RUBCN: variants seen among roughly 807,000 people sequenced by gnomAD.
RUBCN encodes the protein run domain Beclin-1-interacting and cysteine-rich domain-containing protein.
Under a neutral mutation model 113.2 loss-of-function variants are expected in RUBCN, and 74 were observed. The ratio of observed to expected loss-of-function variants is 0.65; its 90% CI spans 0.54 to 0.79. The LOEUF (loss-of-function observed/expected upper bound fraction) is 0.79, where lower values mean the gene tolerates loss of function less well. Ranked by LOEUF, RUBCN falls within the 30% of genes least tolerant of loss-of-function variation. The pLI, the probability that RUBCN is intolerant of heterozygous loss-of-function variation, is 0.00. For synonymous variants in RUBCN, 480 were observed against 490.0 expected, an observed-to-expected ratio of 0.98 and a Z score of 0.27; for missense variants, 1,109 against 1,251.7, an observed-to-expected ratio of 0.89 and a Z score of 1.72.
chr3:197,696,935 TG>T lies in RUBCN; in HGVS notation c.1357+18del. On this transcript the variant is annotated intron_variant, in intron 8 of 19. Coordinates refer to ENST00000296343, the MANE Select transcript of RUBCN (RefSeq NM_014687.4). ...CAGAGAAAATATACAATTTTAGCCCTGGCCTTCCTAGTACTCACCATATTCC... is the reference window on the plus strand; with the variant it reads ...CAGAGAAAATATACAATTTTAGCCCTGCCTTCCTAGTACTCACCATATTCC... 1 of 1,371,866 alleles carries T rather than the reference TG, an allele frequency of 7.3e-7. No individual in the cohort carries two copies. The allele number at this position is 1,371,866 out of a possible 1,614,324, so 85.0% of individuals were successfully genotyped here. A position where few individuals can be genotyped will look rare whatever the true frequency, so the allele number is the denominator to read the frequency against.
At chr3:197,690,654 A>G (rs973942049) in intron 11 of RUBCN, among the ~76,000 whole-genome samples, 4 of 152,232 alleles carry the variant, frequency 2.6e-5, no homozygotes, top group Admixed American at 2.0e-4. Context: ...GCAAATTCAA[A>G]GTTCTAAAGA....
upstream of RUBCN, among the ~76,000 whole-genome samples, chr3:197,740,229 CCTT>C (rs1453827951): frequency 3.9e-5 from 4 of 101,696 alleles, no homozygotes; most frequent in African/African-American, 1.1e-4. Flanking sequence ...ATCCTGAACC[CCTT>C]CTTTTGTTTT....
At chr3:197,732,262 T>A (rs185567410) in intron 1 of RUBCN, among the ~76,000 whole-genome samples, 71 of 152,340 alleles carry the variant, frequency 4.7e-4, no homozygotes, top group African/African-American at 1.6e-3. Context: ...CAAGGCGGTC[T>A]AGGGAGACAG....
intron 11 of RUBCN, among the ~76,000 whole-genome samples, chr3:197,690,874 A>G (rs891982453): frequency 1.3e-5 from 2 of 152,258 alleles, no homozygotes; most frequent in East Asian, 3.8e-4. Context: ...TGTTGGGGTC[A>G]CATGAGGAAG....
intron 2 of RUBCN, among the ~76,000 whole-genome samples, chr3:197,708,411 C>T (rs1003541923): frequency 4.6e-5 from 7 of 152,082 alleles, no homozygotes; most frequent in Non-Finnish European, 1.0e-4. Context: ...GCTGGGATTA[C>T]AGGCGTAAGC....
Position 197,695,857 on chromosome 3 carries a change from A to G in RUBCN, c.1473+9T>C, listed in dbSNP as rs1722942530. The G allele has an allele frequency of 6.2e-7, 1 of 1,613,606 alleles. No homozygotes were observed. Among genetic ancestry groups the G allele is most frequent in the African/African-American group, 1.3e-5 (1 of 74,866 alleles). On this transcript the variant is annotated intron_variant, in intron 9 of 19. Transcript: ENST00000296343. Reference sequence around the variant, plus strand: ...TCATGAGCTCTTCATGAGGCCCTCGATTTCCCACCTTTTCCAGGTCGGCAC... The same window carrying G: ...TCATGAGCTCTTCATGAGGCCCTCGGTTTCCCACCTTTTCCAGGTCGGCAC...
intron 7 of RUBCN, chr3:197,699,062 T>A: frequency 1.4e-6 from 1 of 732,758 alleles, no homozygotes; most frequent in Non-Finnish European, 2.5e-6. Context: ...TTATAGACAG[T>A]TCCAAGCATC....
intron 10 of RUBCN, 72 bp downstream of exon 10, chr3:197,694,303 T>C (rs753064909): frequency 6.9e-6 from 9 of 1,304,696 alleles, no homozygotes; most frequent in Non-Finnish European, 1.0e-5. Flanking sequence ...GAGGAACCAC[T>C]GGTTTGGGCA....
intron 1 of RUBCN, among the ~76,000 whole-genome samples, chr3:197,729,889 T>C (rs1387346668): frequency 1.3e-5 from 2 of 152,028 alleles, no homozygotes; most frequent in Non-Finnish European, 2.9e-5. Context: ...TAAAATATTA[T>C]AGTAGCTTTG....
In RUBCN at chr3:197,712,303, C is replaced by T. The variant is rs541838158; in HGVS notation, c.219+5674G>A. Among the ~76,000 whole-genome samples, 4 of 152,248 alleles carry T rather than the reference C, an allele frequency of 2.6e-5. No individual in the cohort carries two copies. In the East Asian group the frequency reaches 5.8e-4, roughly 22 times the overall value. Reference sequence around the variant, plus strand: ...GAAAAATGAGATCCCTCTAAGAATACGATCATGATGTTACAGCTTTCCTAA... The same window carrying T: ...GAAAAATGAGATCCCTCTAAGAATATGATCATGATGTTACAGCTTTCCTAA... On this transcript the variant is annotated intron_variant, in intron 2 of 19. Transcript: ENST00000296343.
rs1471365636 is a variant in RUBCN at position 197,681,367 on chromosome 3, T to C, written c.2192A>G (p.Asp731Gly). 6.2e-7 allele frequency: 1 copy of C among 1,611,338 alleles called. No individual in the cohort carries two copies. Among genetic ancestry groups the C allele is most frequent in the Non-Finnish European group, 8.5e-7 (1 of 1,177,548 alleles). The change falls in exon 16 of 20, where the codon GAT becomes GGT. Residue 731 changes from aspartate to glycine, a missense_variant and splice_region_variant. Around this residue, in one of 3 missense-constraint regions of RUBCN, gnomAD observed 306 missense variants for 348.9 expected, o/e 0.88. Transcript: ENST00000296343. This position sits in a 1 kb window ranked among gnomAD's most constrained non-coding sequence, Gnocchi z 5.5. Reference protein sequence around the residue: ...CAGCGIRTDPDYIKRLRYCEY... With the variant: ...CAGCGIRTDPGYIKRLRYCEY... ...ACAGTACCGCAGTCGCTTGATGTAA[T>C]CTGGAAAAACCGGAAAGCCAGAAAG...
At position 197,674,396 on chromosome 3, in the gene RUBCN, T is replaced by A. The variant is rs1380685545; in HGVS notation, c.*622A>T. The A allele has an allele frequency of 2.6e-5, 7 of 270,502 alleles. No individual in the cohort carries two copies. The Admixed American group carries it at 2.8e-4, about 11-fold the overall frequency. The allele number at this position is 270,502 out of a possible 1,614,324, so 16.8% of individuals were successfully genotyped here. ...TTTCAAACAGGAACTCCCGGCAACA[T>A]AGGGACATTCACAGCTGCCTCTGAG... On this transcript the variant is annotated 3_prime_UTR_variant, in exon 20 of 20. Transcript: ENST00000296343.
chr3:197,739,314 C>A (rs1191141744), upstream of RUBCN, among the ~76,000 whole-genome samples: 1 of 139,962 alleles, frequency 7.1e-6, no homozygotes, highest in Admixed American at 7.1e-5. Context: ...TGGCTTGAAC[C>A]CAGGAGGCAG....
upstream of RUBCN, among the ~76,000 whole-genome samples, chr3:197,739,926 G>C (rs1200525092): frequency 6.6e-6 from 1 of 152,122 alleles, no homozygotes; most frequent in Non-Finnish European, 1.5e-5. Context: ...TGTAATCCCA[G>C]CTACTTGGGT....
In RUBCN at chr3:197,675,105, C is replaced by T; in HGVS notation, c.2832G>A (p.Arg944=). 1 of 1,613,416 alleles carries T rather than the reference C, an allele frequency of 6.2e-7. No homozygotes were observed. The highest frequency in any genetic ancestry group is 1.1e-5 in the South Asian group (1 of 91,078). ...CTGACAGGTAAGACTCCAGGCTCTGCCTGGCCAGTGCCTCCCGCCGGGCCT... is the reference window on the plus strand; with the variant it reads ...CTGACAGGTAAGACTCCAGGCTCTGTCTGGCCAGTGCCTCCCGCCGGGCCT... The part of the protein sequence containing the change: ...RLQARREALA[R]QSLESYLSDY... Residue 944 remains arginine, a synonymous_variant, in exon 20 of 20, where the codon AGG becomes AGA. Coordinates refer to ENST00000296343, the MANE Select transcript of RUBCN (RefSeq NM_014687.4). This position sits in a 1 kb window ranked among gnomAD's most constrained non-coding sequence, Gnocchi z 4.4.
chr3:197,697,007 T>G lies in RUBCN; in HGVS notation c.1304A>C (p.Tyr435Ser). ...GCTGACTTCACTGCTTTGACCAGAG[T>G]AGGGCAAAGGGCCTCTCAACTTCGC... is the stretch of plus-strand genomic sequence containing the variant. The part of the protein sequence containing the change: ...DKAKLRGPLP[Y>S]SGQSSEVSTP... Residue 435 changes from tyrosine to serine, a missense_variant, in exon 8 of 20, where the codon TAC becomes TCC. By Grantham distance (144) the Tyr-to-Ser change is moderately radical. Transcript: ENST00000296343. 6.2e-7 allele frequency: 1 copy of G among 1,610,292 alleles called. No homozygotes were observed. The highest frequency in any genetic ancestry group is 1.3e-5 in the African/African-American group (1 of 74,872).
intron 7 of RUBCN, among the ~76,000 whole-genome samples, chr3:197,699,583 A>C (rs1723409443): frequency 6.6e-6 from 1 of 152,188 alleles, no homozygotes; most frequent in African/African-American, 2.4e-5. Flanking sequence ...GGTCCAGCCC[A>C]GTCATCTTCA....
At chr3:197,707,685 G>A (rs1246675545) in intron 2 of RUBCN, among the ~76,000 whole-genome samples, 5 of 152,150 alleles carry the variant, frequency 3.3e-5, no homozygotes, top group Admixed American at 1.3e-4. Context: ...AAATCAAGCC[G>A]GGTACAGGGG....
At chr3:197,695,801 C>T (rs1580230171) in intron 9 of RUBCN, 65 bp downstream of exon 9, 12 of 1,400,016 alleles carry the variant, frequency 8.6e-6, no homozygotes, top group Middle Eastern at 1.9e-4. Flanking sequence ...GAACAAATGG[C>T]ACCACAGACC....
Sources: gnomAD v4.1 joint callset for allele counts (sites outside exome capture counted in the v4.1 genomes callset) on GRCh38, gnomAD v4.1.1 for gene constraint, gnomAD v4.1.1 regional missense constraint, Gnocchi (gnomAD v3.1) non-coding constraint, MANE v1.5 for transcripts, NCBI Gene and HGNC (gene_info 2026-07-23, HGNC 2026-07-21) for gene names.